ZNF791: variants seen among roughly 807,000 people sequenced by gnomAD.
The protein encoded by ZNF791 is zinc finger protein 791.
In ZNF791, 4 loss-of-function variants were observed where a neutral mutation model predicts 11.5. That is an observed-to-expected ratio of 0.35 (90% CI 0.17 to 0.80). ZNF791 has a LOEUF of 0.80. ZNF791 is among the 30% of genes least tolerant of loss of function. ZNF791 has a pLI of 0.53. For missense variants in ZNF791, 559 were observed against 699.4 expected (o/e 0.80, Z 2.26); for synonymous variants, 212 against 228.1 (o/e 0.93, Z 0.64).
chr19:12,618,071 T>G (rs145179446), intron 1 of ZNF791, among the ~76,000 whole-genome samples: 1 of 151,760 alleles, frequency 6.6e-6, no homozygotes, highest in East Asian at 1.9e-4. Flanking sequence ...GTGCACACCA[T>G]CATGCCCGGC....
At position 12,623,774 on chromosome 19, in the gene ZNF791, G is replaced by A; in HGVS notation, c.78G>A (p.Lys26=). ...GGGCTCTGCTGGCTCCTTCACAGAA[G>A]AAACTCTACAGAGATGTGATGCAGG... is the stretch of plus-strand genomic sequence containing the variant. ...EEWALLAPSQ[K]KLYRDVMQET... is the part of the protein sequence containing the mutation. Residue 26 remains lysine, a synonymous_variant, in exon 2 of 4, where the codon AAG becomes AAA. Coordinates refer to ENST00000343325, the MANE Select transcript of ZNF791 (RefSeq NM_153358.3). 6.2e-7 allele frequency: 1 copy of A among 1,602,746 alleles called. No homozygotes were observed. Among genetic ancestry groups the A allele is most frequent in the Non-Finnish European group, 8.5e-7 (1 of 1,171,996 alleles).
intron 1 of ZNF791, among the ~76,000 whole-genome samples, chr19:12,620,206 CTTTA>C (rs969189184): frequency 6.6e-5 from 10 of 151,716 alleles, no homozygotes; most frequent in East Asian, 1.9e-4. Flanking sequence ...CCTGGCCTGT[CTTTA>C]TTTATTTTTG....
chr19:12,619,490 C>CCATCGT (rs370136074), intron 1 of ZNF791, among the ~76,000 whole-genome samples: 2 of 139,574 alleles, frequency 1.4e-5, no homozygotes, highest in Non-Finnish European at 3.1e-5. Flanking sequence ...CGATTTGTCT[C>CCATCGT]CCAGGCTGGA....
intron 1 of ZNF791, among the ~76,000 whole-genome samples, chr19:12,618,728 A>C (rs1257480888): frequency 6.0e-5 from 9 of 151,002 alleles, no homozygotes; most frequent in Non-Finnish European, 1.3e-4. Context: ...ATGCCACTGC[A>C]CTCCACCCTG....
intron 1 of ZNF791, among the ~76,000 whole-genome samples, chr19:12,622,442 C>T (rs2023368998): frequency 7.2e-6 from 1 of 139,316 alleles, no homozygotes; most frequent in South Asian, 2.3e-4. Flanking sequence ...ACCTCCACCT[C>T]ATTTAATCCC....
At position 12,623,690 on chromosome 19, in the gene ZNF791, G is replaced by A. The variant is rs1257305282; in HGVS notation, c.4-10G>A. On this transcript the variant is annotated splice_polypyrimidine_tract_variant and intron_variant, in intron 1 of 3. Transcript: ENST00000343325. ...TCTCACCTATTCTCTACTTATATTG[G>A]ATGTTTCAGGACTCAGTGGCTTTTG... 2 of 1,613,792 alleles carry A rather than the reference G, an allele frequency of 1.2e-6. No individual in the cohort carries two copies. The highest frequency in any genetic ancestry group is 2.7e-5 in the African/African-American group (2 of 74,846).
intron 1 of ZNF791, among the ~76,000 whole-genome samples, chr19:12,621,950 G>C (rs2023356428): frequency 1.6e-5 from 2 of 125,140 alleles, no homozygotes; most frequent in African/African-American, 5.9e-5. Flanking sequence ...GAAATCGGAT[G>C]GTTGCCGTGT....
At chr19:12,620,754 CTTTTTTTTTTTTTTT>C (rs1051381342) in intron 1 of ZNF791, among the ~76,000 whole-genome samples, 1 of 83,446 alleles carries the variant, frequency 1.2e-5, no homozygotes, top group Non-Finnish European at 2.1e-5. Context: ...GATTTATGTT[CTTTTTTTTTTTTTTT>C]TTTTTTTTTG....
intron 1 of ZNF791, chr19:12,612,410 C>CTTCATTTATTTA (rs1555702280): frequency 6.9e-6 from 1 of 143,960 alleles, no homozygotes; most frequent in South Asian, 2.2e-4. Context: ...TGCTTCCTTC[C>CTTCATTTATTTA]TTTATTTATT....
Position 12,611,022 on chromosome 19 carries a change from C to T in ZNF791, c.-58C>T. ...GTACCCCTGCATCGGATGCGCTGTA[C>T]CCTGCGCTGGCTCCGTGAACCTTAG... On this transcript the variant is annotated 5_prime_UTR_variant, in exon 1 of 4. Transcript: ENST00000343325. 1.9e-6 allele frequency: 3 copies of T among 1,613,282 alleles called. No individual in the cohort carries two copies. Among genetic ancestry groups the T allele is most frequent in the East Asian group, 2.2e-5 (1 of 44,890 alleles).
In ZNF791 at chr19:12,629,130, G is replaced by C. The variant is rs1440020476; in HGVS notation, c.1601G>C (p.Ser534Thr). The change falls in exon 4 of 4, where the codon AGT (serine) becomes ACT (threonine). Residue 534 changes from serine (S) to threonine (T), a missense_variant. Coordinates refer to ENST00000343325, the MANE Select transcript of ZNF791 (RefSeq NM_153358.3). ...TGTAAAGAATGTGGGAAGGCCTTTA[G>C]TCTTCACAGTTCCTTTCAAAGACAT... is the stretch of plus-strand genomic sequence containing the variant. ...YKCKECGKAF[S>T]LHSSFQRHTR... is the part of the protein sequence containing the mutation. 1 of 1,605,706 alleles carries C rather than the reference G, an allele frequency of 6.2e-7. No homozygotes were observed. Among genetic ancestry groups the C allele is most frequent in the East Asian group, 2.2e-5 (1 of 44,822 alleles).
chr19:12,611,769 A>G (rs1316375271), intron 1 of ZNF791, among the ~76,000 whole-genome samples: 2 of 152,180 alleles, frequency 1.3e-5, no homozygotes, highest in African/African-American at 2.4e-5. Flanking sequence ...CAGACATCCT[A>G]TGGGAACTCC....
At chr19:12,615,836 C>T (rs575740534) in intron 1 of ZNF791, among the ~76,000 whole-genome samples, 2 of 151,350 alleles carry the variant, frequency 1.3e-5, no homozygotes, top group South Asian at 4.2e-4. Context: ...AAACCTGTTG[C>T]ATGATGTCTT....
chr19:12,623,570 CA>C (rs2023383812), intron 1 of ZNF791, 129 bp from the exon 2 acceptor site: 3 of 1,189,522 alleles, frequency 2.5e-6, no homozygotes, highest in Non-Finnish European at 3.6e-6. Context: ...TGTGCTGTTA[CA>C]TTTCTAACAA....
rs750325093 is a variant in ZNF791, at chr19:12,632,046, C to G, written c.*2786C>G. 6.6e-6 allele frequency: 1 copy of G among 151,102 alleles called. No individual in the cohort carries two copies. The highest frequency in any genetic ancestry group is 6.6e-5 in the Admixed American group (1 of 15,162). 9.4% of individuals were successfully genotyped at this position (151,102 alleles called of 1,614,324 possible). ...TGTGATCTCGGCTCACTGCAAGCTCCGCCTCCCGGGTCCACGCCATTCTCC... is the reference window on the plus strand; with the variant it reads ...TGTGATCTCGGCTCACTGCAAGCTCGGCCTCCCGGGTCCACGCCATTCTCC... On this transcript the variant is annotated 3_prime_UTR_variant, in exon 4 of 4. Transcript: ENST00000343325.
At chr19:12,611,809 T>C in intron 1 of ZNF791, among the ~76,000 whole-genome samples, 1 of 152,300 alleles carries the variant, frequency 6.6e-6, no homozygotes, top group Non-Finnish European at 1.5e-5. Context: ...TTGTAAACTT[T>C]CCTGGGTAAT....
intron 3 of ZNF791, among the ~76,000 whole-genome samples, chr19:12,625,837 C>G (rs1262687822): frequency 6.7e-6 from 1 of 149,460 alleles, no homozygotes; most frequent in Non-Finnish European, 1.5e-5. Flanking sequence ...TACTTGGGAA[C>G]AGTTTTGTTT....
chr19:12,616,848 GA>G (rs2145180857), intron 1 of ZNF791, among the ~76,000 whole-genome samples: 1 of 39,176 alleles, frequency 2.6e-5, no homozygotes, highest in African/African-American at 5.9e-5. Flanking sequence ...TCATTTTAAT[GA>G]AGTGAAACTT....
chr19:12,628,404 G>A lies in ZNF791; in HGVS notation c.875G>A (p.Arg292Lys), dbSNP rs1033765195. 9 of 1,608,020 alleles carry A rather than the reference G, an allele frequency of 5.6e-6. No individual in the cohort carries two copies. The highest frequency in any genetic ancestry group is 2.2e-5 in the South Asian group (2 of 90,120). ...IFPSFLRVHE[R>K]IHTGEKPYKC... The stretch of plus-strand genomic sequence containing the variant: ...CCCAGTTTTTTACGAGTACATGAAA[G>A]AATTCACACTGGAGAGAAACCCTAT... Residue 292 changes from arginine to lysine, a missense_variant, in exon 4 of 4, where the codon AGA (arginine) becomes AAA (lysine). Arg to Lys is a conservative substitution (Grantham distance 26). Coordinates refer to ENST00000343325, the MANE Select transcript of ZNF791 (RefSeq NM_153358.3).
Sources: gnomAD v4.1 joint callset for allele counts (sites outside exome capture counted in the v4.1 genomes callset) on GRCh38, gnomAD v4.1.1 for gene constraint, MANE v1.5 for transcripts, NCBI Gene and HGNC (gene_info 2026-07-23, HGNC 2026-07-21) for gene names.